LRP1B: variants seen among roughly 807,000 people sequenced by gnomAD.
The protein encoded by LRP1B is LDL receptor related protein 1B.
A neutral mutation model predicts 556.6 loss-of-function variants in LRP1B; 217 were observed. That is an observed-to-expected ratio of 0.39 (90% CI 0.35 to 0.44). The LOEUF (loss-of-function observed/expected upper bound fraction) is 0.44. Among genes scored for constraint, LRP1B ranks in the 20% least tolerant of loss-of-function variants. The probability of loss-of-function intolerance (pLI) is 1.00; values close to 1 mark genes in which losing one functional copy is unlikely to be tolerated. For synonymous variants in LRP1B, 2,047 were observed against 1,865.8 expected (o/e 1.10, Z -2.50); for missense variants, 5,053 against 5,620.8 (o/e 0.90, Z 3.23).
At chr2:141,153,225 A>ATTATATATATAATTTATATATATAAT (rs1553467662) in intron 7 of LRP1B, among the ~76,000 whole-genome samples, 3 of 135,524 alleles carry the variant, frequency 2.2e-5, no homozygotes, top group Non-Finnish European at 3.1e-5. Flanking sequence ...ACATATATAT[A>ATTATATATATAATTTATATATATAAT]TTATATATAT....
rs558592151 is a variant in LRP1B at position 141,310,853 on chromosome 2, T to G, written c.344-56212A>C. Among the ~76,000 whole-genome samples, 5 of 152,292 alleles carry G rather than the reference T, an allele frequency of 3.3e-5. No homozygotes were observed. In the East Asian group the frequency reaches 5.8e-4, roughly 18 times the overall value. On this transcript the variant is annotated intron_variant, in intron 3 of 90. Transcript: ENST00000389484. The stretch of plus-strand genomic sequence containing the variant: ...TTTGGAAGCAAAAGAAAGTAAAATC[T>G]TATTACTACTTCCAGCCTTTTCTCT...
intron 41 of LRP1B, among the ~76,000 whole-genome samples, chr2:140,642,250 G>C (rs183069048): frequency 1.3e-4 from 20 of 152,264 alleles, no homozygotes; most frequent in Admixed American, 1.2e-3. Context: ...TCAAGGGAGG[G>C]TTCCACTTAG....
At chr2:141,518,054 G>C (rs1015284692) in intron 2 of LRP1B, among the ~76,000 whole-genome samples, 3 of 152,026 alleles carry the variant, frequency 2.0e-5, no homozygotes, top group Non-Finnish European at 4.4e-5. Context: ...ACAAAACTGT[G>C]GGAAAGGTAG....
At chr2:140,768,025 A>G (rs1689176834) in intron 35 of LRP1B, among the ~76,000 whole-genome samples, 1 of 151,910 alleles carries the variant, frequency 6.6e-6, no homozygotes, top group Non-Finnish European at 1.5e-5. Flanking sequence ...ATTTGATTAA[A>G]GTTTGATCAA....
chr2:141,296,391 C>A (rs2105420351), intron 3 of LRP1B, among the ~76,000 whole-genome samples: 1 of 152,260 alleles, frequency 6.6e-6, no homozygotes, highest in African/African-American at 2.4e-5. Context: ...TAAGCACAGA[C>A]AAATTAAATT....
chr2:140,265,470 C>G (rs1294356650), intron 86 of LRP1B, among the ~76,000 whole-genome samples: 2 of 151,930 alleles, frequency 1.3e-5, no homozygotes, highest in African/African-American at 2.4e-5. Context: ...TGAATCCTTT[C>G]AAGGAACAAA....
intron 2 of LRP1B, among the ~76,000 whole-genome samples, chr2:141,727,085 G>C (rs1421048083): frequency 6.6e-6 from 1 of 152,070 alleles, no homozygotes; most frequent in East Asian, 1.9e-4. Context: ...CTAATGTAAG[G>C]AGATTATTTA....
intron 60 of LRP1B, among the ~76,000 whole-genome samples, chr2:140,460,928 T>C (rs1438109000): frequency 2.0e-5 from 3 of 152,028 alleles, no homozygotes; most frequent in East Asian, 3.9e-4. Context: ...AGTTTGATGC[T>C]ATCCTGCTAA....
chr2:141,716,403 T>C (rs926816013), intron 2 of LRP1B, among the ~76,000 whole-genome samples: 3 of 152,156 alleles, frequency 2.0e-5, no homozygotes, highest in African/African-American at 4.8e-5. Context: ...AATGAAAAAT[T>C]CTTTTGCAAA....
chr2:141,836,008 T>G (rs992138072), intron 1 of LRP1B, among the ~76,000 whole-genome samples: 6 of 151,948 alleles, frequency 3.9e-5, no homozygotes, highest in African/African-American at 1.4e-4. Flanking sequence ...ATAGAAGGAA[T>G]GAATAATTTG....
intron 86 of LRP1B, among the ~76,000 whole-genome samples, chr2:140,264,353 C>G (rs956654982): frequency 6.6e-6 from 1 of 152,116 alleles, no homozygotes; most frequent in Non-Finnish European, 1.5e-5. Flanking sequence ...CTTAGCCTCC[C>G]AAGTAGCTGG....
At chr2:140,543,280 T>C (rs1457750090) in intron 43 of LRP1B, among the ~76,000 whole-genome samples, 2 of 151,634 alleles carry the variant, frequency 1.3e-5, no homozygotes, top group Non-Finnish European at 2.9e-5. Flanking sequence ...GAAAAGCAAC[T>C]TAAAGTAATA....
chr2:140,304,348 A>C (rs1159892905), intron 83 of LRP1B, among the ~76,000 whole-genome samples: 2 of 152,068 alleles, frequency 1.3e-5, no homozygotes, highest in African/African-American at 4.8e-5. Flanking sequence ...AATGATCACC[A>C]TTCTAACTAG....
At chr2:141,522,536 A>G (rs989421457) in intron 2 of LRP1B, among the ~76,000 whole-genome samples, 3 of 152,168 alleles carry the variant, frequency 2.0e-5, no homozygotes, top group Non-Finnish European at 2.9e-5. Flanking sequence ...TTGGCCTGGA[A>G]GTATTTTACT....
intron 37 of LRP1B, among the ~76,000 whole-genome samples, chr2:140,712,992 G>A (rs1480658957): frequency 1.3e-5 from 2 of 151,646 alleles, no homozygotes; most frequent in African/African-American, 2.4e-5. Flanking sequence ...CTAACTATAA[G>A]CATTCTTCAT....
At chr2:141,907,326 C>T (rs1282889041) in intron 1 of LRP1B, among the ~76,000 whole-genome samples, 2 of 151,756 alleles carry the variant, frequency 1.3e-5, no homozygotes, top group Admixed American at 6.6e-5. Flanking sequence ...ATATGTTTTA[C>T]TTTCATACAT....
intron 86 of LRP1B, among the ~76,000 whole-genome samples, chr2:140,252,105 A>AAAAAAAAAAC (rs1681463588): frequency 1.3e-5 from 2 of 149,042 alleles, no homozygotes; most frequent in African/African-American, 4.9e-5. Context: ...AAAACAAAAA[A>AAAAAAAAAAC]AAACAGAAAA....
intron 3 of LRP1B, among the ~76,000 whole-genome samples, chr2:141,429,940 AAAATGGCCAT>A (rs1378132232): frequency 6.6e-6 from 1 of 152,194 alleles, no homozygotes; most frequent in Non-Finnish European, 1.5e-5. Flanking sequence ...AATATCAATG[AAAATGGCCAT>A]AAATGTAGAC....
chr2:141,573,107 A>T (rs920984924), intron 2 of LRP1B, among the ~76,000 whole-genome samples: 1 of 152,200 alleles, frequency 6.6e-6, no homozygotes, highest in East Asian at 1.9e-4. Context: ...CCTAGTAAAC[A>T]TCTACAGAAC....
Sources: allele counts gnomAD v4.1 joint callset (sites outside exome capture counted in the v4.1 genomes callset), GRCh38; gene constraint gnomAD v4.1.1; transcripts MANE v1.5; gene names NCBI Gene and HGNC (gene_info 2026-07-23, HGNC 2026-07-21).